Variants in STXBP5L observed in about 807,000 individuals in gnomAD.
STXBP5L encodes the protein syntaxin binding protein 5L, also known as syntaxin-binding protein 5-like.
A neutral mutation model predicts 144.5 loss-of-function variants in STXBP5L; 65 were observed. That is an observed-to-expected ratio of 0.45 (90% confidence interval 0.37 to 0.55). The LOEUF (loss-of-function observed/expected upper bound fraction) is 0.55, where lower values mean the gene tolerates loss of function less well. STXBP5L is among the 20% of genes least tolerant of loss of function. The pLI is 0.00. For missense variants in STXBP5L, 1,298 were observed against 1,405.5 expected (o/e 0.92, Z 1.22); for synonymous variants, 505 against 469.6 (o/e 1.08, Z -0.97).
chr3:121,006,491 C>T (rs988217347), intron 3 of STXBP5L, among the ~76,000 whole-genome samples: 1 of 152,106 alleles, frequency 6.6e-6, no homozygotes, highest in East Asian at 1.9e-4. Context: ...ACTGATGGAT[C>T]TTGACTCTAT....
intron 7 of STXBP5L, 82 bp from the exon 8 acceptor site, chr3:121,152,395 A>G: frequency 1.0e-6 from 1 of 1,000,954 alleles, no homozygotes; most frequent in Admixed American, 2.5e-5. Flanking sequence ...GTATGATTTT[A>G]CTTTATTAAC....
rs536967031 is a variant in STXBP5L at position 121,379,435 on chromosome 3, C to CA, written c.2347+556dup. On this transcript the variant is annotated intron_variant, in intron 21 of 26. Transcript: ENST00000471454. Reference sequence around the variant, plus strand: ...CAGAGACCAGAAATTTTTACAGAGGCAAAAAAAGGGAATTTTGTAACTTTG... The same window carrying CA: ...CAGAGACCAGAAATTTTTACAGAGGCAAAAAAAAGGGAATTTTGTAACTTTG... Among the ~76,000 whole-genome samples the CA allele has an allele frequency of 1.5e-4, 22 of 150,960 alleles. No individual in the cohort carries two copies. In the South Asian group the frequency reaches 4.2e-3, roughly 29 times the overall value.
intron 3 of STXBP5L, among the ~76,000 whole-genome samples, chr3:121,034,259 AT>A (rs1368311889): frequency 6.6e-6 from 1 of 152,038 alleles, no homozygotes; most frequent in African/African-American, 2.4e-5. Flanking sequence ...CCTTATACCC[AT>A]TAAGTAATTT....
chr3:121,188,424 T>A (rs2047491888), intron 9 of STXBP5L, among the ~76,000 whole-genome samples: 1 of 151,628 alleles, frequency 6.6e-6, no homozygotes, highest in South Asian at 2.1e-4. Context: ...AACAACCTGC[T>A]CCTGAATGAC....
chr3:121,413,024 T>G (rs937670212), intron 23 of STXBP5L, 134 bp from the exon 24 acceptor site: 29 of 749,700 alleles, frequency 3.9e-5, no homozygotes, highest in Non-Finnish European at 5.1e-5. Context: ...CAAGACTCTG[T>G]CTCAAAAAAA....
intron 22 of STXBP5L, 114 bp from the exon 23 acceptor site, chr3:121,407,129 T>G: frequency 1.6e-6 from 2 of 1,276,574 alleles, no homozygotes; most frequent in Non-Finnish European, 2.1e-6. Flanking sequence ...TTCATATACA[T>G]TAGGGCAATA....
At chr3:121,033,647 G>T (rs1192339472) in intron 3 of STXBP5L, among the ~76,000 whole-genome samples, 4 of 150,860 alleles carry the variant, frequency 2.7e-5, no homozygotes, top group African/African-American at 7.3e-5. Flanking sequence ...TACCCACTTG[G>T]TGTTAAACCA....
chr3:121,147,252 A>T (rs1207117433), intron 7 of STXBP5L, among the ~76,000 whole-genome samples: 1 of 152,154 alleles, frequency 6.6e-6, no homozygotes, highest in Non-Finnish European at 1.5e-5. Flanking sequence ...AAAATAATAC[A>T]CAATATGTTC....
intron 19 of STXBP5L, among the ~76,000 whole-genome samples, chr3:121,314,256 T>G (rs1300682479): frequency 7.2e-6 from 1 of 138,296 alleles, no homozygotes. Context: ...GGCTGGGAGG[T>G]GGTTGTAGCG....
At position 120,948,207 on chromosome 3, in the gene STXBP5L, AG is replaced by A. The variant is rs370255940; in HGVS notation, c.190-6731del. Among the ~76,000 whole-genome samples, 291 of 151,578 alleles carry A rather than the reference AG, an allele frequency of 1.9e-3. 1 individual carries two copies. Among genetic ancestry groups the A allele is most frequent in the African/African-American group, 6.6e-3 (274 of 41,456 alleles). Reference sequence around the variant, plus strand: ...AGTTCCCTAATGGCTAATGATGTTGAGGATCTTTCGGTGTTTATTGGCCATT... The same window carrying A: ...AGTTCCCTAATGGCTAATGATGTTGAGATCTTTCGGTGTTTATTGGCCATT... On this transcript the variant is annotated intron_variant, in intron 2 of 26. Coordinates refer to ENST00000471454, the MANE Select transcript of STXBP5L (RefSeq NM_001308330.2).
intron 5 of STXBP5L, among the ~76,000 whole-genome samples, chr3:121,092,824 G>A (rs556020679): frequency 3.9e-5 from 6 of 152,320 alleles, no homozygotes; most frequent in Non-Finnish European, 7.3e-5. Context: ...TAGGAGTGGT[G>A]AGAGAGGGCA....
intron 5 of STXBP5L, among the ~76,000 whole-genome samples, chr3:121,065,161 T>C (rs188890401): frequency 3.6e-4 from 55 of 152,292 alleles, no homozygotes; most frequent in Admixed American, 1.8e-3. Flanking sequence ...CTTGGGTTGA[T>C]TCCATGTCCT....
At chr3:121,030,100 C>T (rs1388379196) in intron 3 of STXBP5L, among the ~76,000 whole-genome samples, 2 of 152,126 alleles carry the variant, frequency 1.3e-5, no homozygotes, top group Non-Finnish European at 2.9e-5. Flanking sequence ...TTAGTTCAAC[C>T]ATTGTGGAAG....
At chr3:121,407,669 T>A in intron 23 of STXBP5L, 66 bp downstream of exon 23, 1 of 1,590,838 alleles carries the variant, frequency 6.3e-7, no homozygotes, top group Non-Finnish European at 8.6e-7. Flanking sequence ...TCCTAAAAAA[T>A]ATATGTGTTA....
rs767647675 is a variant in STXBP5L, at chr3:121,300,912, C to T, written c.2111-17563C>T. Among the ~76,000 whole-genome samples, 84 of 152,032 alleles carry T rather than the reference C, an allele frequency of 5.5e-4. 1 individual carries two copies. The highest frequency in any genetic ancestry group is 3.3e-4 in the Admixed American group (5 of 15,250). On this transcript the variant is annotated intron_variant, in intron 19 of 26. Coordinates refer to ENST00000471454, the MANE Select transcript of STXBP5L (RefSeq NM_001308330.2). Reference sequence around the variant, plus strand: ...GTATATGCTATTTATAAAAGATGCACGTTAATTATAAAAACATAAATAGGT... The same window carrying T: ...GTATATGCTATTTATAAAAGATGCATGTTAATTATAAAAACATAAATAGGT...
intron 9 of STXBP5L, among the ~76,000 whole-genome samples, chr3:121,161,372 A>G (rs2046316908): frequency 6.6e-6 from 1 of 151,482 alleles, no homozygotes; most frequent in Admixed American, 6.6e-5. Context: ...TGCCTTCCAT[A>G]ATTTCTGAAT....
chr3:121,098,555 T>C (rs941063262), intron 5 of STXBP5L, among the ~76,000 whole-genome samples: 1 of 152,208 alleles, frequency 6.6e-6, no homozygotes, highest in South Asian at 2.1e-4. Flanking sequence ...TATACCCATT[T>C]CCAACATCAG....
At chr3:121,337,790 A>G (rs537694309) in intron 20 of STXBP5L, among the ~76,000 whole-genome samples, 4 of 152,278 alleles carry the variant, frequency 2.6e-5, no homozygotes, top group African/African-American at 7.2e-5. Context: ...ATTCTCCAAA[A>G]CAGACCATAT....
In STXBP5L at chr3:121,207,490, A is replaced by T. The variant is rs368165307; in HGVS notation, c.956+1489A>T. Among the ~76,000 whole-genome samples the T allele has an allele frequency of 5.2e-4, 79 of 152,348 alleles. No individual in the cohort carries two copies. In the East Asian group the frequency reaches 0.014, roughly 28 times the overall value. ...AGCCAAAATTGACAAATGGGATCTA[A>T]TTAAACTAGAGAGCTTCTGTCTGGT... On this transcript the variant is annotated intron_variant, in intron 10 of 26. Transcript: ENST00000471454.
Sources: gnomAD v4.1 joint callset for allele counts (sites outside exome capture counted in the v4.1 genomes callset) on GRCh38, gnomAD v4.1.1 for gene constraint, MANE v1.5 for transcripts, NCBI Gene and HGNC (gene_info 2026-07-23, HGNC 2026-07-21) for gene names.